UTRN: variants seen among roughly 807,000 people sequenced by gnomAD.
UTRN encodes the protein utrophin, also known as dystrophin-related protein 1.
UTRN carries 283 observed loss-of-function variants against 463.9 expected under a neutral mutation model. That is an observed-to-expected ratio of 0.61 (90% CI 0.55 to 0.67). The LOEUF is 0.67. UTRN is among the 30% of genes least tolerant of loss of function. UTRN has a pLI of 0.00. For synonymous variants in UTRN, 1,442 were observed against 1,431.5 expected (o/e 1.01, Z -0.17); for missense variants, 3,922 against 4,084.3 (o/e 0.96, Z 1.08).
chr6:144,540,950 A>C (rs1797928853), intron 45 of UTRN, among the ~76,000 whole-genome samples: 1 of 152,210 alleles, frequency 6.6e-6, no homozygotes, highest in African/African-American at 2.4e-5. Context: ...CTTAGGTCAA[A>C]AAATATCATA....
intron 65 of UTRN, among the ~76,000 whole-genome samples, chr6:144,816,628 T>C (rs1386125847): frequency 6.8e-6 from 1 of 147,254 alleles, no homozygotes; most frequent in Non-Finnish European, 1.5e-5. Flanking sequence ...GTATATTTTA[T>C]TTTTCTTTCT....
chr6:144,711,523 A>G (rs1372842823), intron 53 of UTRN, among the ~76,000 whole-genome samples: 1 of 152,204 alleles, frequency 6.6e-6, no homozygotes. Flanking sequence ...TAATGCACCT[A>G]CAATGTATAT....
chr6:144,465,965 T>C (rs1444187787), intron 23 of UTRN, among the ~76,000 whole-genome samples: 3 of 152,206 alleles, frequency 2.0e-5, no homozygotes, highest in African/African-American at 7.2e-5. Context: ...TGTGAAGAAA[T>C]TGAATACCAC....
At chr6:144,487,768 A>G (rs1792615501) in intron 29 of UTRN, 71 bp downstream of exon 29, 3 of 1,427,100 alleles carry the variant, frequency 2.1e-6, no homozygotes, top group Non-Finnish European at 2.8e-6. Context: ...GCTCCATATC[A>G]TAGAGCTTTA....
At chr6:144,648,208 T>C (rs1256615409) in intron 51 of UTRN, among the ~76,000 whole-genome samples, 1 of 152,192 alleles carries the variant, frequency 6.6e-6, no homozygotes, top group African/African-American at 2.4e-5. Flanking sequence ...TTCAGTAATA[T>C]AGAGAAACTA....
At chr6:144,763,333 C>T (rs1287586008) in intron 58 of UTRN, among the ~76,000 whole-genome samples, 2 of 152,126 alleles carry the variant, frequency 1.3e-5, no homozygotes, top group Admixed American at 1.3e-4. Flanking sequence ...TCTCTTTATA[C>T]TTTTATTTTC....
At chr6:144,680,951 A>G (rs950187863) in intron 52 of UTRN, among the ~76,000 whole-genome samples, 1 of 152,224 alleles carries the variant, frequency 6.6e-6, no homozygotes, top group Admixed American at 6.5e-5. Flanking sequence ...CCTATGTGTA[A>G]CCAAGCTCCC....
At chr6:144,488,584 T>A (rs1054660591) in intron 29 of UTRN, 89 bp from the exon 30 acceptor site, 15 of 1,299,318 alleles carry the variant, frequency 1.2e-5, no homozygotes, top group Admixed American at 2.5e-5. Context: ...TGAAAGCTTT[T>A]ATGGTCTTTT....
intron 52 of UTRN, among the ~76,000 whole-genome samples, chr6:144,695,071 T>C (rs888694380): frequency 1.3e-5 from 2 of 152,146 alleles, no homozygotes; most frequent in African/African-American, 4.8e-5. Context: ...ATTATGCTTT[T>C]ATTGCGCTAA....
intron 51 of UTRN, among the ~76,000 whole-genome samples, chr6:144,612,548 A>G (rs576803994): frequency 2.0e-5 from 3 of 152,266 alleles, no homozygotes; most frequent in African/African-American, 7.2e-5. Flanking sequence ...AAGTACCTGA[A>G]CAGACATTTC....
At chr6:144,318,181 A>G (rs9496925) in intron 2 of UTRN, among the ~76,000 whole-genome samples, 20,812 of 152,168 alleles carry the variant, frequency 0.14, 4,211 homozygotes, top group African/African-American at 0.44. Context: ...AATTCTTCAA[A>G]GGAAAATTTT....
At chr6:144,674,266 T>C (rs1781366431) in intron 51 of UTRN, among the ~76,000 whole-genome samples, 1 of 152,014 alleles carries the variant, frequency 6.6e-6, no homozygotes, top group Non-Finnish European at 1.5e-5. Context: ...TTTCTCTTCT[T>C]CCTCAGGAAC....
intron 52 of UTRN, among the ~76,000 whole-genome samples, chr6:144,680,012 A>G (rs1396725303): frequency 6.6e-6 from 1 of 152,120 alleles, no homozygotes; most frequent in African/African-American, 2.4e-5. Flanking sequence ...TAAGATTTGA[A>G]TTTTCAACTG....
intron 72 of UTRN, among the ~76,000 whole-genome samples, chr6:144,840,433 A>T (rs1460500908): frequency 1.3e-5 from 2 of 152,176 alleles, no homozygotes; most frequent in African/African-American, 4.8e-5. Flanking sequence ...TAGATTTCTC[A>T]TTCAAACACT....
At chr6:144,303,701 G>T (rs1282578601) in intron 2 of UTRN, among the ~76,000 whole-genome samples, 1 of 152,142 alleles carries the variant, frequency 6.6e-6, no homozygotes. Context: ...GTTTATTCAT[G>T]TCTATGCAGT....
rs144532619 is a variant in UTRN at position 144,449,613 on chromosome 6, C to T, written c.2072+844C>T. 1.8e-3 allele frequency among the ~76,000 whole-genome samples: 281 copies of T among 152,260 alleles called. 1 individual carries two copies. Among genetic ancestry groups the T allele is most frequent in the African/African-American group, 6.5e-3 (268 of 41,538 alleles). Reference sequence around the variant, plus strand: ...GGAACATATCCCTGTTTGAGCAATACCTTGACCCCAGATATTTATCTAGAG... The same window carrying T: ...GGAACATATCCCTGTTTGAGCAATATCTTGACCCCAGATATTTATCTAGAG... On this transcript the variant is annotated intron_variant, in intron 17 of 74. Transcript: ENST00000367545.
chr6:144,514,149 T>C (rs918253051), intron 36 of UTRN, 112 bp downstream of exon 36: 10 of 1,391,280 alleles, frequency 7.2e-6, no homozygotes, highest in South Asian at 1.4e-5. Context: ...AAGCATTAGA[T>C]TCATTAACAT....
At chr6:144,787,731 G>T (rs898310203) in intron 61 of UTRN, among the ~76,000 whole-genome samples, 2 of 152,032 alleles carry the variant, frequency 1.3e-5, no homozygotes, top group Non-Finnish European at 2.9e-5. Context: ...TTAAAGTTAC[G>T]TGATACAAAT....
rs1440932491 is a variant in UTRN, at chr6:144,561,271, A to ACC, written c.7289+3961_7289+3962insCC. Among the ~76,000 whole-genome samples the ACC allele has an allele frequency of 5.1e-5, 7 of 138,374 alleles. 1 individual carries two copies. The highest frequency in any genetic ancestry group is 7.9e-5 in the Non-Finnish European group (5 of 63,358). 90.8% of individuals were successfully genotyped at this position (138,374 alleles called of 152,430 possible). A position where few individuals can be genotyped will look rare whatever the true frequency, so the allele number is the denominator to read the frequency against. ...TATATATATATATATACATACACAC[A>ACC]CACACGTATACACACCTGTGTAACA... On this transcript the variant is annotated intron_variant, in intron 50 of 74. Transcript: ENST00000367545.
Sources: gnomAD v4.1 joint callset for allele counts (sites outside exome capture counted in the v4.1 genomes callset) on GRCh38, gnomAD v4.1.1 for gene constraint, MANE v1.5 for transcripts, NCBI Gene and HGNC (gene_info 2026-07-23, HGNC 2026-07-21) for gene names.